SCYL2: variants seen among roughly 807,000 people sequenced by gnomAD.
SCYL2 encodes the protein SCY1 like pseudokinase 2.
Under a neutral mutation model 100.4 loss-of-function variants are expected in SCYL2, and 36 were observed. That is an observed-to-expected ratio of 0.36 (90% CI 0.27 to 0.47). The LOEUF is 0.47. Ranked by LOEUF, SCYL2 falls within the 20% of genes least tolerant of loss-of-function variation. SCYL2 has a pLI of 1.00. For synonymous variants in SCYL2, 330 were observed against 359.2 expected (o/e 0.92, Z 0.92); for missense variants, 902 against 1,083.9 (o/e 0.83, Z 2.36).
intron 4 of SCYL2, among the ~76,000 whole-genome samples, chr12:100,302,527 C>T (rs1393225358): frequency 2.0e-5 from 3 of 152,154 alleles, no homozygotes; most frequent in Non-Finnish European, 4.4e-5. Flanking sequence ...GTTAGTTTGG[C>T]TGGATAAGAA....
chr12:100,286,248 ATG>A (rs1044886449), intron 2 of SCYL2, among the ~76,000 whole-genome samples: 1 of 152,118 alleles, frequency 6.6e-6, no homozygotes, highest in Admixed American at 6.6e-5. Context: ...GTTTAAAAAA[ATG>A]TGTGTGTATG....
At chr12:100,271,218 C>T (rs2096287240) in intron 1 of SCYL2, among the ~76,000 whole-genome samples, 1 of 144,398 alleles carries the variant, frequency 6.9e-6, no homozygotes, top group Non-Finnish European at 1.5e-5. Context: ...CATCTTAAGG[C>T]CAACTCTGGC....
At chr12:100,336,606 T>C (rs1031920778) in intron 16 of SCYL2, among the ~76,000 whole-genome samples, 2 of 152,118 alleles carry the variant, frequency 1.3e-5, no homozygotes, top group Admixed American at 6.6e-5. Flanking sequence ...ATACATGACT[T>C]ATTAATGGCA....
intron 2 of SCYL2, among the ~76,000 whole-genome samples, chr12:100,283,927 G>GA (rs1335021629): frequency 1.3e-5 from 2 of 152,164 alleles, no homozygotes; most frequent in Non-Finnish European, 2.9e-5. Context: ...ATCTGCATCT[G>GA]AAATGCTGAT....
chr12:100,323,435 C>A, intron 10 of SCYL2, 90 bp from the exon 11 acceptor site: 1 of 740,208 alleles, frequency 1.4e-6, no homozygotes, highest in Non-Finnish European at 2.3e-6. Flanking sequence ...AACTATATGA[C>A]AGTTTAGCCA....
At chr12:100,295,198 C>G (rs2096317912) in intron 3 of SCYL2, among the ~76,000 whole-genome samples, 1 of 151,108 alleles carries the variant, frequency 6.6e-6, no homozygotes, top group African/African-American at 2.4e-5. Context: ...GACGGAGACG[C>G]TCCTCACTTC....
intron 3 of SCYL2, among the ~76,000 whole-genome samples, chr12:100,294,741 G>T (rs1439542398): frequency 8.3e-5 from 11 of 132,934 alleles, no homozygotes; most frequent in East Asian, 2.5e-4. Context: ...CTGGCCGGGT[G>T]GGGGGCTGAC....
chr12:100,300,720 G>A (rs979609045), intron 4 of SCYL2, among the ~76,000 whole-genome samples: 1 of 151,844 alleles, frequency 6.6e-6, no homozygotes, highest in Non-Finnish European at 1.5e-5. Flanking sequence ...TTGATTTTTA[G>A]CTCCTACAAA....
chr12:100,268,722 A>G (rs980088269), intron 1 of SCYL2, among the ~76,000 whole-genome samples: 2 of 151,964 alleles, frequency 1.3e-5, no homozygotes, highest in Admixed American at 6.6e-5. Flanking sequence ...GGGAATAACT[A>G]CTCATATTCA....
chr12:100,335,662 G>A lies in SCYL2; in HGVS notation c.1900G>A (p.Glu634Lys). The A allele has an allele frequency of 6.2e-7, 1 of 1,611,012 alleles. No homozygotes were observed. The highest frequency in any genetic ancestry group is 8.5e-7 in the Non-Finnish European group (1 of 1,178,000). Residue 634 changes from glutamate (E) to lysine (K), a missense_variant, in exon 15 of 18, where the codon GAG (glutamate) becomes AAG (lysine). By Grantham distance (56) the Glu-to-Lys change is moderately conservative. Transcript: ENST00000360820. ...AGGAAATCAAATGAATGTTTCTGAG[G>A]AGATGAAAGTTACAAATATTGGGAA... ...DIGNQMNVSE[E>K]MKVTNIGNQQ...
intron 12 of SCYL2, 84 bp downstream of exon 12, chr12:100,326,838 C>A: frequency 9.0e-7 from 1 of 1,111,070 alleles, no homozygotes; most frequent in African/African-American, 1.6e-5. Context: ...ACTCTCCTTT[C>A]GTGTATATAG....
At chr12:100,303,373 A>G (rs2096330084) in intron 4 of SCYL2, among the ~76,000 whole-genome samples, 1 of 152,116 alleles carries the variant, frequency 6.6e-6, no homozygotes, top group Non-Finnish European at 1.5e-5. Flanking sequence ...TTTTTTCCTC[A>G]TCTTCATGGA....
chr12:100,335,581 T>C lies in SCYL2; in HGVS notation c.1863-44T>C, dbSNP rs377051514. ...TTTTTGGCATGAGTATTTAAAAATA[T>C]GCATTTCTTTTTATTGTTTTATCAT... On this transcript the variant is annotated intron_variant, in intron 14 of 17. Coordinates refer to ENST00000360820, the MANE Select transcript of SCYL2 (RefSeq NM_017988.6). 4.9e-4 allele frequency: 681 copies of C among 1,380,022 alleles called. 2 individuals carry two copies. Among genetic ancestry groups the C allele is most frequent in the Non-Finnish European group, 4.3e-4 (430 of 992,592 alleles). 85.5% of individuals were successfully genotyped at this position (1,380,022 alleles called of 1,614,324 possible). A position where few individuals can be genotyped will look rare whatever the true frequency, so the allele number is the denominator to read the frequency against.
intron 4 of SCYL2, 124 bp from the exon 5 acceptor site, chr12:100,310,920 G>C (rs963796598): frequency 2.2e-6 from 2 of 891,758 alleles, no homozygotes; most frequent in African/African-American, 3.5e-5. Flanking sequence ...GATGAAATTT[G>C]ATTTTTAGCT....
chr12:100,283,257 T>A, intron 2 of SCYL2, 110 bp downstream of exon 2: 1 of 857,570 alleles, frequency 1.2e-6, no homozygotes, highest in Non-Finnish European at 1.8e-6. Context: ...AATAGGTTCT[T>A]AAATGGGTTC....
In SCYL2 at chr12:100,272,530, C is replaced by T. The variant is rs143737123; in HGVS notation, c.-29+4738C>T. Among the ~76,000 whole-genome samples, 732 of 152,182 alleles carry T rather than the reference C, an allele frequency of 4.8e-3. 7 individuals carry two copies. The highest frequency in any genetic ancestry group is 0.02 in the Middle Eastern group (6 of 294). ...CACCAATTTTTACTTTCAGTCTGGA[C>T]GGTTTTTTCTAAGTTTTTGGCCTGC... On this transcript the variant is annotated intron_variant, in intron 1 of 17. Transcript: ENST00000360820.
chr12:100,339,231 A>G lies in SCYL2; in HGVS notation c.*59A>G, dbSNP rs1429510514. 2.0e-6 allele frequency: 3 copies of G among 1,513,036 alleles called. No homozygotes were observed. Among genetic ancestry groups the G allele is most frequent in the Non-Finnish European group, 2.7e-6 (3 of 1,117,492 alleles). 93.7% of individuals were successfully genotyped at this position (1,513,036 alleles called of 1,614,324 possible). On this transcript the variant is annotated 3_prime_UTR_variant, in exon 18 of 18. Coordinates refer to ENST00000360820, the MANE Select transcript of SCYL2 (RefSeq NM_017988.6). ...GTTTCAATCATGGGTGAGCTGATTTACATCTTTATATAGTTGGCTTGGAGG... is the reference window on the plus strand; with the variant it reads ...GTTTCAATCATGGGTGAGCTGATTTGCATCTTTATATAGTTGGCTTGGAGG...
intron 17 of SCYL2, 152 bp from the exon 18 acceptor site, chr12:100,338,376 G>C (rs1163479322): frequency 1.8e-6 from 1 of 547,650 alleles, no homozygotes; most frequent in African/African-American, 1.9e-5. Flanking sequence ...GTGGCAGGCT[G>C]TATTTGACCG....
At chr12:100,315,498 T>G in intron 8 of SCYL2, 60 bp from the exon 9 acceptor site, 1 of 1,421,488 alleles carries the variant, frequency 7.0e-7, no homozygotes, top group Non-Finnish European at 9.5e-7. Context: ...TAGTGTTAAC[T>G]AATACTAAAA....
Sources: gnomAD v4.1 joint callset for allele counts (sites outside exome capture counted in the v4.1 genomes callset) on GRCh38, gnomAD v4.1.1 for gene constraint, MANE v1.5 for transcripts, NCBI Gene and HGNC (gene_info 2026-07-23, HGNC 2026-07-21) for gene names.